The following SYCE1 variants were observed in gnomAD, a reference collection of about 807,000 sequenced individuals.
The protein encoded by SYCE1 is synaptonemal complex central element protein 1.
A neutral mutation model predicts 55.1 loss-of-function variants in SYCE1; 37 were observed. The observed-to-expected ratio is 0.67, with a 90% CI of 0.52 to 0.88. SYCE1 has a LOEUF of 0.88. Among genes scored for constraint, SYCE1 ranks in the 40% least tolerant of loss-of-function variants. The probability of loss-of-function intolerance (pLI) is 0.00; values close to 1 mark genes in which losing one functional copy is unlikely to be tolerated. For synonymous variants in SYCE1, 163 were observed against 159.4 expected, an observed-to-expected ratio of 1.02 and a Z score of -0.17; for missense variants, 399 against 416.4, an observed-to-expected ratio of 0.96 and a Z score of 0.36.
downstream of SYCE1, chr10:133,554,539 T>C (rs1851604132): frequency 7.7e-6 from 5 of 653,044 alleles, no homozygotes; most frequent in Admixed American, 2.3e-5. Flanking sequence ...GCCTGAGTTA[T>C]ACATTTTGTG....
chr10:133,555,529 GGA>G (rs1851643680), intron 11 of SYCE1, 66 bp downstream of exon 11: 2 of 1,606,734 alleles, frequency 1.2e-6, no homozygotes, highest in Non-Finnish European at 1.7e-6. Flanking sequence ...GACAGAAGGT[GGA>G]GAGAGGAGAT....
intron 11 of SYCE1, 43 bp from the exon 12 acceptor site, chr10:133,555,481 G>A (rs749998415): frequency 2.5e-6 from 4 of 1,612,634 alleles, no homozygotes; most frequent in Non-Finnish European, 3.4e-6. Flanking sequence ...GAGGAGGAAA[G>A]GGTGGAGGAG....
At chr10:133,556,364 C>G (rs1851682998) in intron 8 of SYCE1, 2 of 533,570 alleles carry the variant, frequency 3.7e-6, no homozygotes, top group Non-Finnish European at 6.7e-6. Context: ...CTCTGCAGCT[C>G]CTCCCCACTC....
intron 1 of SYCE1, among the ~76,000 whole-genome samples, 167 bp downstream of exon 1, chr10:133,565,290 G>A (rs1183872742): frequency 6.6e-6 from 1 of 152,180 alleles, no homozygotes; most frequent in African/African-American, 2.4e-5. Flanking sequence ...GGGGTGTGCG[G>A]GCAAGCACTC....
At chr10:133,560,209 G>C (rs1851788702) in intron 1 of SYCE1, 56 bp from the exon 2 acceptor site, 2 of 1,531,928 alleles carry the variant, frequency 1.3e-6, no homozygotes, top group Non-Finnish European at 1.8e-6. Flanking sequence ...GCCACCCCTG[G>C]GCTGAGACTG....
chr10:133,566,835 G>GCA (rs1564860762), upstream of SYCE1, among the ~76,000 whole-genome samples: 3 of 139,840 alleles, frequency 2.1e-5, no homozygotes, highest in South Asian at 2.4e-4. Flanking sequence ...TAAGGGTTAG[G>GCA]GGTTAGGCTT....
chr10:133,556,626 G>T, intron 8 of SYCE1, 133 bp downstream of exon 8: 1 of 887,260 alleles, frequency 1.1e-6, no homozygotes, highest in Non-Finnish European at 1.8e-6. Context: ...CTGGATTCAG[G>T]CAATGTCGAT....
At chr10:133,567,225 C>T (rs571526269), upstream of SYCE1, among the ~76,000 whole-genome samples, 7 of 149,190 alleles carry the variant, frequency 4.7e-5, no homozygotes, top group East Asian at 4.0e-4. Flanking sequence ...GGGTTTGTGT[C>T]GGGGTTGGGT....
At chr10:133,556,146 C>T in intron 8 of SYCE1, 99 bp from the exon 9 acceptor site, 1 of 1,385,482 alleles carries the variant, frequency 7.2e-7, no homozygotes, top group Non-Finnish European at 9.9e-7. Context: ...CACTATGCCT[C>T]ACTTCCAACA....
intron 1 of SYCE1, chr10:133,564,320 G>C: frequency 1.1e-6 from 1 of 923,982 alleles, no homozygotes; most frequent in Non-Finnish European, 1.3e-6. Context: ...TGAACTTCTA[G>C]CCTCGAAAAC....
intron 4 of SYCE1, chr10:133,558,538 G>A: frequency 1.9e-6 from 1 of 530,888 alleles, no homozygotes; most frequent in South Asian, 2.5e-5. Flanking sequence ...GTGACCAGAT[G>A]GAGGCAGGGT....
rs1851617842 is a variant in SYCE1, at chr10:133,554,986, G to A, written c.*6C>T. The A allele has an allele frequency of 6.6e-7, 1 of 1,513,730 alleles. No homozygotes were observed. Among genetic ancestry groups the A allele is most frequent in the African/African-American group, 1.5e-5 (1 of 68,116 alleles). The allele number at this position is 1,513,730 out of a possible 1,614,324, so 93.8% of individuals were successfully genotyped here. On this transcript the variant is annotated 3_prime_UTR_variant, in exon 13 of 13. Transcript: ENST00000343131. ...CCCCTACTCCTCACCAGTAGACTTAGCTGTATCAAAATAGCTCCTTTATTT... is the reference window on the plus strand; with the variant it reads ...CCCCTACTCCTCACCAGTAGACTTAACTGTATCAAAATAGCTCCTTTATTT...
At chr10:133,566,351 C>T (rs541732920), upstream of SYCE1, among the ~76,000 whole-genome samples, 18 of 152,292 alleles carry the variant, frequency 1.2e-4, no homozygotes, top group African/African-American at 3.4e-4. Context: ...TACGAAGCCT[C>T]GAATCCTAAC....
At chr10:133,554,416 T>C (rs1851601480), downstream of SYCE1, 9 of 1,196,744 alleles carry the variant, frequency 7.5e-6, no homozygotes, top group Non-Finnish European at 1.1e-5. Flanking sequence ...TGGTCTTGAT[T>C]GGGTCAACGC....
At chr10:133,560,008 G>A (rs369089612) in intron 2 of SYCE1, 83 bp downstream of exon 2, 36 of 1,158,202 alleles carry the variant, frequency 3.1e-5, no homozygotes, top group Non-Finnish European at 4.4e-5. Context: ...TCCCAAATTC[G>A]TACATTGTGG....
At position 133,555,976 on chromosome 10, in the gene SYCE1, C is replaced by T. The variant is rs1477711214; in HGVS notation, c.595+5G>A. 1.2e-6 allele frequency: 2 copies of T among 1,614,024 alleles called. No individual in the cohort carries two copies. The highest frequency in any genetic ancestry group is 1.7e-6 in the Non-Finnish European group (2 of 1,180,018). ...ATATGGGCCATCCACCTTCCCTGGT[C>T]TCACCTTCCTTGAGCAGCTGCTCCT... On this transcript the variant is annotated splice_donor_5th_base_variant and intron_variant, in intron 9 of 12. Coordinates refer to ENST00000343131, the MANE Select transcript of SYCE1 (RefSeq NM_001143764.3).
intron 1 of SYCE1, among the ~76,000 whole-genome samples, chr10:133,564,976 C>T (rs1451164685): frequency 4.6e-5 from 7 of 152,050 alleles, no homozygotes; most frequent in Non-Finnish European, 7.4e-5. Flanking sequence ...GAGAAACAAA[C>T]GGGGGATCTG....
rs751901141 is a variant in SYCE1, at chr10:133,555,345, G to A, written c.918+6C>T. On this transcript the variant is annotated splice_donor_region_variant and intron_variant, in intron 12 of 12. Transcript: ENST00000343131. ...CTGTTCCCTGACGCCCACTTCTGGGGCTTACCACATCTCCTGGGCCAGCCT... is the reference window on the plus strand; with the variant it reads ...CTGTTCCCTGACGCCCACTTCTGGGACTTACCACATCTCCTGGGCCAGCCT... 1 of 1,613,840 alleles carries A rather than the reference G, an allele frequency of 6.2e-7. No individual in the cohort carries two copies. Among genetic ancestry groups the A allele is most frequent in the South Asian group, 1.1e-5 (1 of 91,068 alleles).
upstream of SYCE1, chr10:133,565,731 G>A (rs1172402529): frequency 3.5e-6 from 2 of 576,462 alleles, no homozygotes; most frequent in South Asian, 2.3e-5. Flanking sequence ...AAACGCGGCG[G>A]GAAGCCCGCC....
Sources: allele counts gnomAD v4.1 joint callset (sites outside exome capture counted in the v4.1 genomes callset), GRCh38; gene constraint gnomAD v4.1.1; transcripts MANE v1.5; gene names NCBI Gene and HGNC (gene_info 2026-07-23, HGNC 2026-07-21).